CDKAL1: variants seen among roughly 807,000 people sequenced by gnomAD.
The protein encoded by CDKAL1 is threonylcarbamoyladenosine tRNA methylthiotransferase.
A neutral mutation model predicts 68.2 loss-of-function variants in CDKAL1; 32 were observed. That is an observed-to-expected ratio of 0.47 (90% CI 0.35 to 0.63). CDKAL1 has a LOEUF of 0.63. Ranked by LOEUF, CDKAL1 falls within the 30% of genes least tolerant of loss-of-function variation. CDKAL1 has a pLI of 0.00. For synonymous variants in CDKAL1, 234 were observed against 244.3 expected, an observed-to-expected ratio of 0.96 and a Z score of 0.39; for missense variants, 606 against 696.7, an observed-to-expected ratio of 0.87 and a Z score of 1.47.
intron 5 of CDKAL1, among the ~76,000 whole-genome samples, chr6:20,720,081 G>A (rs764033428): frequency 1.3e-5 from 2 of 152,116 alleles, no homozygotes; most frequent in Non-Finnish European, 2.9e-5. Flanking sequence ...ACAAGATCAT[G>A]GTTCTCTGAG....
chr6:21,203,741 G>A (rs536864810), intron 15 of CDKAL1, among the ~76,000 whole-genome samples: 5 of 120,722 alleles, frequency 4.1e-5, no homozygotes, highest in East Asian at 2.4e-4. Context: ...TTTGCTTGTC[G>A]CCCAGGCTGG....
At chr6:20,883,820 T>TCAACTAAAG (rs1760939524) in intron 9 of CDKAL1, among the ~76,000 whole-genome samples, 3 of 152,202 alleles carry the variant, frequency 2.0e-5, no homozygotes, top group Non-Finnish European at 4.4e-5. Context: ...GAGGAAACCT[T>TCAACTAAAG]TTGATGGACT....
At chr6:20,840,508 C>T (rs184123781) in intron 8 of CDKAL1, among the ~76,000 whole-genome samples, 1 of 152,076 alleles carries the variant, frequency 6.6e-6, no homozygotes, top group Non-Finnish European at 1.5e-5. Flanking sequence ...AAACTAACTC[C>T]GAAAGTTCAC....
intron 15 of CDKAL1, among the ~76,000 whole-genome samples, chr6:21,205,680 G>A (rs1192255796): frequency 1.1e-4 from 17 of 150,732 alleles, no homozygotes; most frequent in Admixed American, 3.3e-4. Context: ...ACAGGAACCC[G>A]CCACCACGCC....
chr6:20,834,678 A>G (rs939704555), intron 8 of CDKAL1, among the ~76,000 whole-genome samples: 2 of 152,090 alleles, frequency 1.3e-5, no homozygotes, highest in African/African-American at 4.8e-5. Context: ...ACATTTCATC[A>G]TTGTTAATTT....
At chr6:21,154,846 A>C (rs980530056) in intron 13 of CDKAL1, among the ~76,000 whole-genome samples, 2 of 152,222 alleles carry the variant, frequency 1.3e-5, no homozygotes, top group East Asian at 3.9e-4. Context: ...AAAAAAAATT[A>C]GCTGGGTGTG....
intron 5 of CDKAL1, among the ~76,000 whole-genome samples, chr6:20,654,298 G>GT (rs199885782): frequency 0.017 from 2,542 of 146,210 alleles, 56 homozygotes; most frequent in African/African-American, 0.059. Flanking sequence ...CTATTTTTCT[G>GT]GTTTTTTTTT....
intron 11 of CDKAL1, among the ~76,000 whole-genome samples, chr6:21,035,151 C>T (rs1234251201): frequency 6.6e-6 from 1 of 152,056 alleles, no homozygotes; most frequent in African/African-American, 2.4e-5. Context: ...TTTATTTTAG[C>T]ATATTCTTCT....
At position 20,782,201 on chromosome 6, in the gene CDKAL1, A is replaced by G. The variant is rs1312674236; in HGVS notation, c.638+936A>G. ...CTCACCACTTTCTGGTTTATCCTCC[A>G]CACTGCTGTCAAAGACTAGAGAAGG... On this transcript the variant is annotated intron_variant, in intron 8 of 15. Coordinates refer to ENST00000274695, the MANE Select transcript of CDKAL1 (RefSeq NM_017774.3). 2.0e-5 allele frequency among the ~76,000 whole-genome samples: 3 copies of G among 152,096 alleles called. No individual in the cohort carries two copies. The South Asian group carries it at 6.2e-4, about 32-fold the overall frequency.
intron 4 of CDKAL1, among the ~76,000 whole-genome samples, chr6:20,579,009 G>A (rs1468436092): frequency 6.6e-6 from 1 of 152,232 alleles, no homozygotes; most frequent in Admixed American, 6.5e-5. Flanking sequence ...ACAGAGTCTC[G>A]CTCTGTTGCC....
At chr6:21,055,366 T>C (rs1239732521) in intron 11 of CDKAL1, among the ~76,000 whole-genome samples, 3 of 152,162 alleles carry the variant, frequency 2.0e-5, no homozygotes, top group Non-Finnish European at 1.5e-5. Context: ...ACTTTTTTTG[T>C]TTGTTTTTTC....
intron 2 of CDKAL1, among the ~76,000 whole-genome samples, chr6:20,543,001 A>T (rs1384446834): frequency 2.0e-5 from 3 of 152,210 alleles, no homozygotes; most frequent in Admixed American, 6.5e-5. Flanking sequence ...TCATTAGTAC[A>T]TTTCTTTTTA....
chr6:21,089,916 A>G (rs1772908252), intron 12 of CDKAL1, among the ~76,000 whole-genome samples: 2 of 152,338 alleles, frequency 1.3e-5, no homozygotes, highest in South Asian at 4.1e-4. Flanking sequence ...CATAGCTACA[A>G]CCAATTAAAA....
At position 20,621,772 on chromosome 6, in the gene CDKAL1, G is replaced by GTTTT. The variant is rs149139013; in HGVS notation, c.287-27520_287-27519insTTTT. Among the ~76,000 whole-genome samples, 438 of 145,360 alleles carry GTTTT rather than the reference G, an allele frequency of 3.0e-3. 7 individuals are homozygous for GTTTT. The highest frequency in any genetic ancestry group is 0.011 in the African/African-American group (407 of 38,358). ...CTCCTGTGTCCCTTTGCATACCTCA[G>GTTTT]TGTTTTTTTTTTTGACCACTTTTTG... On this transcript the variant is annotated intron_variant, in intron 4 of 15. Transcript: ENST00000274695.
chr6:20,843,506 T>C (rs1691899206), intron 8 of CDKAL1, among the ~76,000 whole-genome samples: 1 of 152,040 alleles, frequency 6.6e-6, no homozygotes, highest in African/African-American at 2.4e-5. Flanking sequence ...TAGATAGATA[T>C]CCTGGGGATG....
intron 9 of CDKAL1, among the ~76,000 whole-genome samples, chr6:20,928,050 C>T (rs571274345): frequency 5.3e-5 from 8 of 152,252 alleles, no homozygotes; most frequent in African/African-American, 1.9e-4. Context: ...GTAGCTTTAA[C>T]CAACTATTTC....
chr6:20,981,798 G>T (rs1435181551), intron 10 of CDKAL1, among the ~76,000 whole-genome samples: 1 of 152,154 alleles, frequency 6.6e-6, no homozygotes, highest in East Asian at 1.9e-4. Flanking sequence ...CCAAAAACGT[G>T]CCCCTGCACT....
intron 6 of CDKAL1, among the ~76,000 whole-genome samples, chr6:20,755,315 C>T (rs532613524): frequency 6.6e-6 from 1 of 152,274 alleles, no homozygotes; most frequent in South Asian, 2.1e-4. Context: ...ATCACCTACA[C>T]CTTGTTTCAG....
intron 8 of CDKAL1, among the ~76,000 whole-genome samples, chr6:20,800,207 A>G (rs1776309384): frequency 2.0e-5 from 3 of 152,164 alleles, no homozygotes; most frequent in African/African-American, 4.8e-5. Context: ...TGCAATAGCC[A>G]AAAATGGGAA....
Sources: gnomAD v4.1 joint callset for allele counts (sites outside exome capture counted in the v4.1 genomes callset) on GRCh38, gnomAD v4.1.1 for gene constraint, MANE v1.5 for transcripts, NCBI Gene and HGNC (gene_info 2026-07-23, HGNC 2026-07-21) for gene names.